ZNF385D: variants seen among roughly 807,000 people sequenced by gnomAD.
ZNF385D encodes zinc finger protein 659.
In ZNF385D, 15 loss-of-function variants were observed where a neutral mutation model predicts 35.8. That is an observed-to-expected ratio of 0.42 (90% CI 0.28 to 0.64). The LOEUF is 0.64. Ranked by LOEUF, ZNF385D falls within the 30% of genes least tolerant of loss-of-function variation. ZNF385D has a pLI of 0.23. For missense variants in ZNF385D, 474 were observed against 494.6 expected (o/e 0.96, Z 0.39); for synonymous variants, 212 against 186.8 (o/e 1.13, Z -1.10).
At chr3:22,211,278 A>G (rs1236754925) in intron 2 of ZNF385D, among the ~76,000 whole-genome samples, 1 of 151,926 alleles carries the variant, frequency 6.6e-6, no homozygotes, top group Non-Finnish European at 1.5e-5. Context: ...ATTCCTCAGT[A>G]TTAACAATTA....
intron 2 of ZNF385D, among the ~76,000 whole-genome samples, chr3:22,278,351 A>G (rs1701540589): frequency 6.6e-6 from 1 of 152,138 alleles, no homozygotes; most frequent in Non-Finnish European, 1.5e-5. Context: ...CATCCACTAT[A>G]GAAGTCTTTG....
intron 2 of ZNF385D, among the ~76,000 whole-genome samples, chr3:22,347,740 A>C (rs1381682121): frequency 1.3e-5 from 2 of 152,196 alleles, no homozygotes; most frequent in Non-Finnish European, 2.9e-5. Context: ...ATGGAAGAAA[A>C]TCTCAGCTAT....
chr3:22,164,098 T>G lies in ZNF385D; in HGVS notation c.325+4719A>C, dbSNP rs116506426. ...GGGGATAGGTAAAAGAAATAATATG[T>G]TTCTATATTAAGGTAAAGCACTAAT... On this transcript the variant is annotated intron_variant, in intron 3 of 5. Coordinates refer to the ZNF385D transcript ENST00000494108. Among the ~76,000 whole-genome samples, 815 of 152,250 alleles carry G rather than the reference T, an allele frequency of 5.4e-3. 6 individuals are homozygous for G. The highest frequency in any genetic ancestry group is 0.019 in the African/African-American group (769 of 41,546).
intron 3 of ZNF385D, 56 bp from the exon 4 acceptor site, chr3:21,511,079 C>T: frequency 6.2e-7 from 1 of 1,601,516 alleles, no homozygotes; most frequent in Non-Finnish European, 8.5e-7. Context: ...AACTGGCATT[C>T]TCTGTATTAC....
At chr3:22,193,484 C>A (rs1051499278) in intron 2 of ZNF385D, among the ~76,000 whole-genome samples, 1 of 151,942 alleles carries the variant, frequency 6.6e-6, no homozygotes, top group Non-Finnish European at 1.5e-5. Flanking sequence ...GATCTAAGTA[C>A]AAATTAACTT....
At chr3:21,690,308 A>T (rs888312251) in intron 1 of ZNF385D, among the ~76,000 whole-genome samples, 8 of 152,138 alleles carry the variant, frequency 5.3e-5, no homozygotes, top group Non-Finnish European at 1.2e-4. Context: ...TATTGATTTG[A>T]AGGGGCAATA....
intron 2 of ZNF385D, among the ~76,000 whole-genome samples, chr3:22,263,929 G>A (rs1233274321): frequency 6.6e-6 from 1 of 151,936 alleles, no homozygotes; most frequent in African/African-American, 2.4e-5. Context: ...GATAAATTCT[G>A]CCTTAAAAGG....
intron 3 of ZNF385D, among the ~76,000 whole-genome samples, chr3:22,142,073 G>A (rs1704539160): frequency 6.6e-6 from 1 of 152,166 alleles, no homozygotes; most frequent in African/African-American, 2.4e-5. Flanking sequence ...ATGAGAAGAA[G>A]ACTGTAATTC....
intron 3 of ZNF385D, among the ~76,000 whole-genome samples, chr3:21,975,730 TATATATATATATATATATATATATAC>T (rs1389310711): frequency 1.9e-3 from 29 of 15,324 alleles, no homozygotes; most frequent in African/African-American, 9.4e-3. Flanking sequence ...TATATATATA[TATATATATATATATATATATATATAC>T]ACACACTATG....
chr3:21,852,759 G>T (rs1218111696), intron 3 of ZNF385D, among the ~76,000 whole-genome samples: 1 of 151,882 alleles, frequency 6.6e-6, no homozygotes, highest in Non-Finnish European at 1.5e-5. Flanking sequence ...AGGGATAAAG[G>T]TCAGTACAAA....
At chr3:22,188,717 T>C (rs536257978) in intron 2 of ZNF385D, among the ~76,000 whole-genome samples, 1 of 152,330 alleles carries the variant, frequency 6.6e-6, no homozygotes, top group East Asian at 1.9e-4. Context: ...CCCAAAGTGC[T>C]GAGATTACAG....
rs1478463242 is a variant in ZNF385D, at chr3:22,301,788, AT to A, written c.106+70661del. Among the ~76,000 whole-genome samples the A allele has an allele frequency of 2.0e-5, 3 of 152,088 alleles. No homozygotes were observed. The East Asian group carries it at 5.8e-4, about 29-fold the overall frequency. On this transcript the variant is annotated intron_variant, in intron 2 of 5. Transcript: ENST00000494108. ...CTACTGCATGTGAACTTGGCATTAT[AT>A]AGAAATACATGTTATGCAGCAATAT...
chr3:21,759,422 C>T (rs1032611060), intron 3 of ZNF385D, among the ~76,000 whole-genome samples: 4 of 151,038 alleles, frequency 2.6e-5, no homozygotes, highest in African/African-American at 5.0e-5. Context: ...ACACAGATGC[C>T]ATATTGGATG....
At chr3:21,829,146 T>G (rs751216122) in intron 3 of ZNF385D, among the ~76,000 whole-genome samples, 8 of 152,180 alleles carry the variant, frequency 5.3e-5, no homozygotes, top group Non-Finnish European at 1.0e-4. Flanking sequence ...GGGAAGGAAG[T>G]TTACCTTTTC....
At chr3:21,839,231 C>A (rs1346649184) in intron 3 of ZNF385D, among the ~76,000 whole-genome samples, 2 of 151,854 alleles carry the variant, frequency 1.3e-5, no homozygotes, top group Non-Finnish European at 2.9e-5. Context: ...TTTTTAGTAT[C>A]ATCACATAAT....
chr3:21,503,531 G>A (rs1054099593), intron 4 of ZNF385D, among the ~76,000 whole-genome samples: 2 of 151,996 alleles, frequency 1.3e-5, no homozygotes, highest in African/African-American at 4.8e-5. Flanking sequence ...TTTCTCATTT[G>A]TTCACTATTG....
chr3:21,705,270 AAAG>A (rs2067854170), intron 1 of ZNF385D, among the ~76,000 whole-genome samples: 1 of 152,200 alleles, frequency 6.6e-6, no homozygotes, highest in African/African-American at 2.4e-5. Context: ...TGTACCCATA[AAAG>A]AAGGCACACT....
chr3:21,753,473 A>C (rs1004225590), upstream of ZNF385D, among the ~76,000 whole-genome samples: 1 of 152,222 alleles, frequency 6.6e-6, no homozygotes, highest in Non-Finnish European at 1.5e-5. Context: ...AGTATACCCC[A>C]AAAAACAGCA....
intron 3 of ZNF385D, among the ~76,000 whole-genome samples, chr3:22,063,232 T>C (rs1402040638): frequency 6.6e-6 from 1 of 152,220 alleles, no homozygotes; most frequent in African/African-American, 2.4e-5. Flanking sequence ...TTCACTGGTT[T>C]ACTGAAAAAA....
Sources: gnomAD v4.1 joint callset for allele counts (sites outside exome capture counted in the v4.1 genomes callset) on GRCh38, gnomAD v4.1.1 for gene constraint, MANE v1.5 for transcripts, NCBI Gene and HGNC (gene_info 2026-07-23, HGNC 2026-07-21) for gene names.